Variants in LRP1B observed in about 807,000 individuals in gnomAD.
The protein encoded by LRP1B is low-density lipoprotein receptor-related protein 1B.
In LRP1B, 217 loss-of-function variants were observed where a neutral mutation model predicts 556.6. That is an observed-to-expected ratio of 0.39 (90% CI 0.35 to 0.44). LRP1B has a LOEUF of 0.44. LRP1B is among the 20% of genes least tolerant of loss of function. LRP1B has a pLI of 1.00. For missense variants in LRP1B, 5,053 were observed against 5,620.8 expected (o/e 0.90, Z 3.23); for synonymous variants, 2,047 against 1,865.8 (o/e 1.10, Z -2.50).
chr2:141,472,465 C>T (rs34164719), intron 3 of LRP1B, among the ~76,000 whole-genome samples: 66,845 of 151,882 alleles, frequency 0.44, 15,028 homozygotes, highest in Non-Finnish European at 0.49. Context: ...ACTTGAACCC[C>T]GGAGGTGGAG....
intron 2 of LRP1B, among the ~76,000 whole-genome samples, chr2:141,590,238 A>G (rs1008346892): frequency 2.0e-5 from 3 of 152,140 alleles, no homozygotes; most frequent in African/African-American, 7.2e-5. Context: ...TTTCTTTTTT[A>G]AAAAGAGACT....
chr2:141,266,531 T>A (rs11687277), intron 3 of LRP1B, among the ~76,000 whole-genome samples: 43,934 of 149,630 alleles, frequency 0.29, 6,743 homozygotes, highest in Middle Eastern at 0.46. Context: ...CAATTTTTTT[T>A]AAAAAATCTG....
intron 19 of LRP1B, among the ~76,000 whole-genome samples, chr2:140,950,682 G>T (rs1695687352): frequency 6.6e-6 from 1 of 151,982 alleles, no homozygotes; most frequent in Non-Finnish European, 1.5e-5. Context: ...TAAAGATGGG[G>T]TTTCGCCATG....
At position 141,194,936 on chromosome 2, in the gene LRP1B, C is replaced by A. The variant is rs575343643; in HGVS notation, c.851-6353G>T. Among the ~76,000 whole-genome samples, 13 of 152,100 alleles carry A rather than the reference C, an allele frequency of 8.5e-5. No homozygotes were observed. In the South Asian group the frequency reaches 2.7e-3, roughly 32 times the overall value. On this transcript the variant is annotated intron_variant, in intron 6 of 90. Transcript: ENST00000389484. ...TTTGACTGCTTGTGATGTGCATGTACTAGAGAATATTTTAGTACCAAAACA... is the reference window on the plus strand; with the variant it reads ...TTTGACTGCTTGTGATGTGCATGTAATAGAGAATATTTTAGTACCAAAACA...
intron 11 of LRP1B, among the ~76,000 whole-genome samples, chr2:141,024,811 G>A (rs72849557): frequency 0.036 from 5,519 of 152,050 alleles, 179 homozygotes; most frequent in Non-Finnish European, 0.046. Flanking sequence ...AAGTCCGCAG[G>A]AGCAACTGGG....
At chr2:141,322,038 C>T (rs1480353415) in intron 3 of LRP1B, among the ~76,000 whole-genome samples, 1 of 152,094 alleles carries the variant, frequency 6.6e-6, no homozygotes, top group African/African-American at 2.4e-5. Context: ...GCCCCTTCTT[C>T]AGTGATCCCC....
chr2:142,020,650 G>C (rs1345200828), intron 1 of LRP1B, among the ~76,000 whole-genome samples: 2 of 152,098 alleles, frequency 1.3e-5, no homozygotes, highest in Non-Finnish European at 2.9e-5. Context: ...TGTTCAGTGA[G>C]TGGCTCAGCT....
intron 67 of LRP1B, among the ~76,000 whole-genome samples, chr2:140,382,353 C>T (rs1038785697): frequency 2.0e-5 from 3 of 151,974 alleles, no homozygotes; most frequent in African/African-American, 2.4e-5. Flanking sequence ...TAATGTAAGG[C>T]TATAAAGTAA....
intron 7 of LRP1B, among the ~76,000 whole-genome samples, chr2:141,078,625 G>GAAAGAGAAATGAAGC (rs1295259785): frequency 2.2e-4 from 1 of 4,446 alleles, no homozygotes; most frequent in Non-Finnish European, 1.0e-3. Flanking sequence ...GAGGGAGAGA[G>GAAAGAGAAATGAAGC]AAAGAGAAAG....
chr2:140,769,299 C>T lies in LRP1B; in HGVS notation c.5672G>A (p.Gly1891Glu), dbSNP rs2104934768. ...LMYSVHEGIR[G>E]IPLEPSDKMD... ...TTTGTCACTTGGTTCAAGAGGTATT[C>T]CCCTGATTCCTTCATGAACAGAGTA... The change falls in exon 35 of 91, where the codon GGA (glycine) becomes GAA (glutamate). Residue 1891 changes from glycine (G) to glutamate (E), a missense_variant. Gly to Glu is a moderately conservative substitution (Grantham distance 98). Transcript: ENST00000389484. The T allele has an allele frequency of 6.2e-7, 1 of 1,611,916 alleles. No individual in the cohort carries two copies. The highest frequency in any genetic ancestry group is 8.5e-7 in the Non-Finnish European group (1 of 1,178,498).
chr2:141,067,034 A>G (rs571255853), intron 7 of LRP1B, among the ~76,000 whole-genome samples: 25 of 152,048 alleles, frequency 1.6e-4, no homozygotes, highest in African/African-American at 6.0e-4. Flanking sequence ...AAAGGTTTGC[A>G]TTAGGAACTT....
chr2:141,270,267 A>C (rs2105367440), intron 3 of LRP1B, among the ~76,000 whole-genome samples: 1 of 152,274 alleles, frequency 6.6e-6, no homozygotes, highest in South Asian at 2.1e-4. Flanking sequence ...TATTAAACAA[A>C]ACTAAACACA....
intron 66 of LRP1B, among the ~76,000 whole-genome samples, chr2:140,427,341 C>T (rs1283502853): frequency 6.6e-6 from 1 of 152,150 alleles, no homozygotes; most frequent in Non-Finnish European, 1.5e-5. Flanking sequence ...CCCCACCCCC[C>T]TTCTCCGTGT....
At chr2:140,568,491 C>T (rs1161380035) in intron 43 of LRP1B, among the ~76,000 whole-genome samples, 1 of 151,466 alleles carries the variant, frequency 6.6e-6, no homozygotes, top group Non-Finnish European at 1.5e-5. Context: ...TATGAGACAC[C>T]ATTAAATGAA....
chr2:141,366,898 C>T (rs982636956), intron 3 of LRP1B, among the ~76,000 whole-genome samples: 1 of 152,310 alleles, frequency 6.6e-6, no homozygotes. Context: ...TTACAACACA[C>T]ATTCAGTTCG....
chr2:140,728,982 A>G (rs1687687364), intron 35 of LRP1B, among the ~76,000 whole-genome samples: 1 of 152,088 alleles, frequency 6.6e-6, no homozygotes, highest in Non-Finnish European at 1.5e-5. Context: ...TATAAAGTAT[A>G]TAACAAAATA....
chr2:141,934,242 A>T lies in LRP1B; in HGVS notation c.83-123841T>A, dbSNP rs564419375. Among the ~76,000 whole-genome samples, 4 of 152,240 alleles carry T rather than the reference A, an allele frequency of 2.6e-5. No homozygotes were observed. In the South Asian group the frequency reaches 8.3e-4, roughly 32 times the overall value. On this transcript the variant is annotated intron_variant, in intron 1 of 90. Coordinates refer to ENST00000389484, the MANE Select transcript of LRP1B (RefSeq NM_018557.3). ...CATAGAGTCTAGTAAAAAAATAGAA[A>T]AAGATGGAAAACAGAGAAAAGTTAA...
rs190608041 is a variant in LRP1B at position 140,590,506 on chromosome 2, G to C, written c.7194+8125C>G. On this transcript the variant is annotated intron_variant, in intron 43 of 90. Coordinates refer to ENST00000389484, the MANE Select transcript of LRP1B (RefSeq NM_018557.3). Reference sequence around the variant, plus strand: ...TAAGGAGATAATTAAGATTAAATAAGGTCATAAGGGTAGGTTACTAATTTT... The same window carrying C: ...TAAGGAGATAATTAAGATTAAATAACGTCATAAGGGTAGGTTACTAATTTT... 1.5e-3 allele frequency among the ~76,000 whole-genome samples: 226 copies of C among 151,574 alleles called. 1 individual carries two copies. Among genetic ancestry groups the C allele is most frequent in the African/African-American group, 5.0e-3 (207 of 41,310 alleles).
At chr2:141,047,738 G>A (rs1698918765) in intron 11 of LRP1B, among the ~76,000 whole-genome samples, 2 of 151,896 alleles carry the variant, frequency 1.3e-5, no homozygotes, top group African/African-American at 4.8e-5. Context: ...ATCTGTAAAG[G>A]AACCTCCAGC....
Sources: allele counts gnomAD v4.1 joint callset (sites outside exome capture counted in the v4.1 genomes callset), GRCh38; gene constraint gnomAD v4.1.1; transcripts MANE v1.5; gene names NCBI Gene and HGNC (gene_info 2026-07-23, HGNC 2026-07-21).